Variants in CNTNAP2 observed in about 807,000 individuals in gnomAD.
CNTNAP2 encodes contactin associated protein 2.
In CNTNAP2, 98 loss-of-function variants were observed where a neutral mutation model predicts 155.2. The ratio of observed to expected loss-of-function variants is 0.63; its 90% CI spans 0.54 to 0.75. The LOEUF (loss-of-function observed/expected upper bound fraction) is 0.75, where lower values mean the gene tolerates loss of function less well. Ranked by LOEUF, CNTNAP2 falls within the 30% of genes least tolerant of loss-of-function variation. The pLI is 0.00. For missense variants in CNTNAP2, 1,727 were observed against 1,688.1 expected, an observed-to-expected ratio of 1.02 and a Z score of -0.40; for synonymous variants, 651 against 631.2, an observed-to-expected ratio of 1.03 and a Z score of -0.47.
chr7:147,509,652 G>T (rs1208267748), intron 11 of CNTNAP2, among the ~76,000 whole-genome samples: 1 of 151,954 alleles, frequency 6.6e-6, no homozygotes, highest in Non-Finnish European at 1.5e-5. Flanking sequence ...CTTTAAGCTG[G>T]CTTACATATA....
chr7:147,519,549 A>G (rs1005906817), intron 11 of CNTNAP2, among the ~76,000 whole-genome samples: 14 of 152,150 alleles, frequency 9.2e-5, no homozygotes, highest in Non-Finnish European at 1.8e-4. Flanking sequence ...CTCAAATTGT[A>G]TTCTGTGATT....
chr7:146,991,800 G>A (rs184043318), intron 3 of CNTNAP2, among the ~76,000 whole-genome samples: 28 of 152,274 alleles, frequency 1.8e-4, no homozygotes, highest in African/African-American at 5.1e-4. Flanking sequence ...GAAATCTTCC[G>A]TGTTGTTATG....
intron 1 of CNTNAP2, among the ~76,000 whole-genome samples, chr7:146,724,216 T>C (rs1049039649): frequency 6.6e-6 from 1 of 152,204 alleles, no homozygotes; most frequent in Non-Finnish European, 1.5e-5. Context: ...CAGTCATCTG[T>C]AGTACTTAAG....
intron 17 of CNTNAP2, among the ~76,000 whole-genome samples, chr7:148,164,016 C>T (rs1805601850): frequency 6.6e-6 from 1 of 152,156 alleles, no homozygotes. Flanking sequence ...CTCACTGTAG[C>T]CTCTGCCTCC....
At chr7:148,361,632 A>G (rs1030722072) in intron 21 of CNTNAP2, among the ~76,000 whole-genome samples, 1 of 152,132 alleles carries the variant, frequency 6.6e-6, no homozygotes, top group African/African-American at 2.4e-5. Context: ...TTCTCTTTTT[A>G]TAAGGACAAC....
In CNTNAP2 at chr7:146,882,156, C is replaced by T. The variant is rs141023239; in HGVS notation, c.402+42252C>T. 1.0e-3 allele frequency among the ~76,000 whole-genome samples: 158 copies of T among 152,154 alleles called. 1 individual carries two copies. The highest frequency in any genetic ancestry group is 3.7e-3 in the African/African-American group (153 of 41,514). ...AAAGGACACGGTTTCTTTCTTATGG[C>T]TATATAGTATTTTAGTGGTGTATAT... On this transcript the variant is annotated intron_variant, in intron 3 of 23. Transcript: ENST00000361727.
intron 2 of CNTNAP2, among the ~76,000 whole-genome samples, chr7:146,787,726 C>A (rs931780069): frequency 1.3e-5 from 2 of 152,188 alleles, no homozygotes. Flanking sequence ...TGGCCCCACC[C>A]ACATCCTGCT....
intron 13 of CNTNAP2, among the ~76,000 whole-genome samples, chr7:147,738,621 T>C (rs534302659): frequency 1.3e-5 from 2 of 151,760 alleles, no homozygotes; most frequent in South Asian, 4.2e-4. Context: ...TTTTGCACAC[T>C]AACTAGACAC....
intron 1 of CNTNAP2, among the ~76,000 whole-genome samples, chr7:146,306,784 C>T (rs1009540516): frequency 1.3e-5 from 2 of 152,160 alleles, no homozygotes; most frequent in African/African-American, 2.4e-5. Flanking sequence ...TGCAACATCC[C>T]TTCATGCTAA....
rs530645620 is a variant in CNTNAP2 at position 147,378,688 on chromosome 7, G to C, written c.1499-16921G>C. Among the ~76,000 whole-genome samples, 50 of 152,128 alleles carry C rather than the reference G, an allele frequency of 3.3e-4. 1 individual carries two copies. In the South Asian group the frequency reaches 0.01, roughly 32 times the overall value. On this transcript the variant is annotated intron_variant, in intron 9 of 23. Coordinates refer to ENST00000361727, the MANE Select transcript of CNTNAP2 (RefSeq NM_014141.6). Reference sequence around the variant, plus strand: ...ATAGAATGTGTAAGATTTAATGTTTGATAGTACAACAAGGTAACTAAAGCC... The same window carrying C: ...ATAGAATGTGTAAGATTTAATGTTTCATAGTACAACAAGGTAACTAAAGCC...
At chr7:146,491,816 T>C (rs1171523751) in intron 1 of CNTNAP2, among the ~76,000 whole-genome samples, 1 of 152,176 alleles carries the variant, frequency 6.6e-6, no homozygotes, top group Admixed American at 6.5e-5. Flanking sequence ...GCCTACTTTG[T>C]GAAACAAAAT....
At chr7:148,048,633 T>C (rs954550475) in intron 15 of CNTNAP2, among the ~76,000 whole-genome samples, 2 of 151,992 alleles carry the variant, frequency 1.3e-5, no homozygotes, top group African/African-American at 2.4e-5. Flanking sequence ...AGCTAAGAGA[T>C]AGAGGGGAAT....
intron 13 of CNTNAP2, among the ~76,000 whole-genome samples, chr7:147,698,710 A>G (rs374949493): frequency 1.3e-5 from 2 of 152,062 alleles, no homozygotes; most frequent in East Asian, 3.9e-4. Context: ...AGAGGTGTGC[A>G]CCACCACACT....
chr7:146,771,959 A>C (rs1453097412), intron 1 of CNTNAP2, among the ~76,000 whole-genome samples: 1 of 152,096 alleles, frequency 6.6e-6, no homozygotes, highest in Non-Finnish European at 1.5e-5. Context: ...GTGTTGTGGC[A>C]TGTTATAATA....
chr7:146,297,101 T>G (rs1029677468), intron 1 of CNTNAP2, among the ~76,000 whole-genome samples: 1 of 152,096 alleles, frequency 6.6e-6, no homozygotes, highest in African/African-American at 2.4e-5. Flanking sequence ...ATTCTTGAGC[T>G]GTTAATTCAA....
intron 11 of CNTNAP2, among the ~76,000 whole-genome samples, chr7:147,540,430 A>G (rs1444947504): frequency 6.6e-6 from 1 of 152,166 alleles, no homozygotes; most frequent in African/African-American, 2.4e-5. Flanking sequence ...TCAAACTCCC[A>G]ATTTAAACAA....
intron 8 of CNTNAP2, among the ~76,000 whole-genome samples, chr7:147,205,028 T>C (rs1039199432): frequency 6.6e-6 from 1 of 152,196 alleles, no homozygotes; most frequent in Non-Finnish European, 1.5e-5. Context: ...TTAGTTACTA[T>C]AGCTTTGTAG....
chr7:146,926,331 A>G (rs1224362908), intron 3 of CNTNAP2, among the ~76,000 whole-genome samples: 1 of 152,118 alleles, frequency 6.6e-6, no homozygotes, highest in Non-Finnish European at 1.5e-5. Context: ...CTCCTCTAAC[A>G]GTACTCTTCT....
chr7:147,729,996 AAGG>A (rs1278878296), intron 13 of CNTNAP2, among the ~76,000 whole-genome samples: 1 of 152,102 alleles, frequency 6.6e-6, no homozygotes, highest in African/African-American at 2.4e-5. Flanking sequence ...GTGAATAAGA[AAGG>A]AGGAATTATA....
Sources: allele counts gnomAD v4.1 joint callset (sites outside exome capture counted in the v4.1 genomes callset), GRCh38; gene constraint gnomAD v4.1.1; transcripts MANE v1.5; gene names NCBI Gene and HGNC (gene_info 2026-07-23, HGNC 2026-07-21).